CR1L: variants seen among roughly 807,000 people sequenced by gnomAD.
CR1L encodes the protein complement C3b/C4b receptor 1 like.
CR1L carries 59 observed loss-of-function variants against 62.3 expected under a neutral mutation model. That is an observed-to-expected ratio of 0.95 (90% CI 0.77 to 1.18). The LOEUF (loss-of-function observed/expected upper bound fraction) is 1.18. Ranked by LOEUF, CR1L falls within the 50% of genes most tolerant of loss-of-function variation. The pLI, the probability that CR1L is intolerant of heterozygous loss-of-function variation, is 0.00. For synonymous variants in CR1L, 279 were observed against 248.7 expected (o/e 1.12, Z -1.15); for missense variants, 700 against 702.8 (o/e 1.00, Z 0.04).
intron 9 of CR1L, among the ~76,000 whole-genome samples, chr1:207,703,003 G>C (rs973796016): frequency 6.6e-6 from 1 of 152,200 alleles, no homozygotes; most frequent in Non-Finnish European, 1.5e-5. Flanking sequence ...AGAATAACTT[G>C]AACCCGGGAA....
At chr1:207,651,695 C>G (rs1407667699) in intron 1 of CR1L, among the ~76,000 whole-genome samples, 1 of 151,876 alleles carries the variant, frequency 6.6e-6, no homozygotes, top group African/African-American at 2.4e-5. Flanking sequence ...ATAAAAAATT[C>G]TAAAACCACA....
chr1:207,645,365 G>A, intron 1 of CR1L, 35 bp downstream of exon 1: 9 of 1,608,328 alleles, frequency 5.6e-6, no homozygotes, highest in Non-Finnish European at 7.7e-6. Flanking sequence ...CGTCCGCGGC[G>A]AGGCTAGAGC....
intron 11 of CR1L, among the ~76,000 whole-genome samples, chr1:207,719,679 A>G (rs907952363): frequency 6.6e-6 from 1 of 152,080 alleles, no homozygotes; most frequent in Non-Finnish European, 1.5e-5. Context: ...AGATCACAAC[A>G]CTGCACCCCA....
chr1:207,707,909 A>T (rs1664294303), intron 9 of CR1L, among the ~76,000 whole-genome samples: 1 of 152,154 alleles, frequency 6.6e-6, no homozygotes, highest in Non-Finnish European at 1.5e-5. Context: ...GGTCTACAAA[A>T]TGATTGTTTT....
intron 3 of CR1L, among the ~76,000 whole-genome samples, chr1:207,680,677 G>A (rs1482642518): frequency 6.6e-6 from 1 of 152,108 alleles, no homozygotes; most frequent in Non-Finnish European, 1.5e-5. Flanking sequence ...ATTATTCTGA[G>A]CCATGAGAAG....
intron 1 of CR1L, among the ~76,000 whole-genome samples, chr1:207,654,831 C>G (rs148450247): frequency 6.6e-6 from 1 of 152,178 alleles, no homozygotes; most frequent in Non-Finnish European, 1.5e-5. Flanking sequence ...TCCAGGCATT[C>G]CAGCTCTAGG....
At chr1:207,706,013 G>GTATATATATATATATATATATA (rs139294447) in intron 9 of CR1L, among the ~76,000 whole-genome samples, 20 of 133,558 alleles carry the variant, frequency 1.5e-4, no homozygotes, top group Non-Finnish European at 2.1e-4. Flanking sequence ...GTGTGTGTAT[G>GTATATATATATATATATATATA]TATATATATA....
At chr1:207,669,396 TTCAGTTTTCTTCGAG>T in intron 1 of CR1L, 1 of 474,258 alleles carries the variant, frequency 2.1e-6, no homozygotes, top group Non-Finnish European at 3.2e-6. Context: ...TTCCTCTTAT[TTCAGTTTTCTTCGAG>T]ATCAAATCTG....
intron 1 of CR1L, among the ~76,000 whole-genome samples, chr1:207,666,873 A>G (rs551914066): frequency 2.0e-5 from 3 of 152,224 alleles, no homozygotes; most frequent in Non-Finnish European, 2.9e-5. Context: ...GAACCCCTGC[A>G]TGGATATGGA....
chr1:207,709,832 C>CAA (rs11452067), intron 10 of CR1L, among the ~76,000 whole-genome samples: 17,283 of 121,704 alleles, frequency 0.14, 1,944 homozygotes, highest in African/African-American at 0.33. Context: ...GACTCTGTCT[C>CAA]AAAAAAAAAA....
rs145940063 is a variant in CR1L at position 207,700,332 on chromosome 1, C to T, written c.1228+1058C>T. On this transcript the variant is annotated intron_variant, in intron 8 of 11. Transcript: ENST00000508064. Reference sequence around the variant, plus strand: ...TGAGGCAGCATGACAAATGTCTGTTCTACTATCATGCATGAAAGCTCATTG... The same window carrying T: ...TGAGGCAGCATGACAAATGTCTGTTTTACTATCATGCATGAAAGCTCATTG... Among the ~76,000 whole-genome samples the T allele has an allele frequency of 2.0e-3, 305 of 152,284 alleles. 2 individuals are homozygous for T. The highest frequency in any genetic ancestry group is 7.2e-3 in the African/African-American group (301 of 41,548).
At chr1:207,708,770 A>G in intron 10 of CR1L, 1 of 454,628 alleles carries the variant, frequency 2.2e-6, no homozygotes, top group Non-Finnish European at 4.4e-6. Flanking sequence ...GCAAGCTAAT[A>G]AGGAATATAA....
intron 9 of CR1L, among the ~76,000 whole-genome samples, chr1:207,705,218 G>C (rs1664249463): frequency 6.6e-6 from 1 of 152,112 alleles, no homozygotes; most frequent in Non-Finnish European, 1.5e-5. Flanking sequence ...AAGGACACCG[G>C]GCATATTGGA....
In CR1L at chr1:207,697,862, T is replaced by C. The variant is rs1664130623; in HGVS notation, c.1131T>C (p.Val377=). 1.2e-6 allele frequency: 2 copies of C among 1,613,970 alleles called. No individual in the cohort carries two copies. Among genetic ancestry groups the C allele is most frequent in the Non-Finnish European group, 1.7e-6 (2 of 1,179,876 alleles). Residue 377 remains valine, a synonymous_variant, in exon 7 of 12, where the codon GTT becomes GTC. Coordinates refer to ENST00000508064, the MANE Select transcript of CR1L (RefSeq NM_175710.2). The part of the protein sequence containing the change: ...NLQLGAKVDF[V]CDEGFQLKGS... The stretch of plus-strand genomic sequence containing the variant: ...AGCTTGGAGCAAAAGTGGATTTTGT[T>C]TGTGATGAAGGGTGAGTATGAGCTT...
chr1:207,674,217 C>T (rs1297423381), intron 1 of CR1L, among the ~76,000 whole-genome samples: 1 of 152,164 alleles, frequency 6.6e-6, no homozygotes, highest in Non-Finnish European at 1.5e-5. Flanking sequence ...TACAGAAGGA[C>T]ATGAGGGAAC....
At chr1:207,672,571 G>A (rs2102454728) in intron 1 of CR1L, among the ~76,000 whole-genome samples, 1 of 151,982 alleles carries the variant, frequency 6.6e-6, no homozygotes, top group African/African-American at 2.4e-5. Flanking sequence ...AATCCACTTG[G>A]ATATAATTGA....
At chr1:207,659,374 C>CA (rs1663370934) in intron 1 of CR1L, among the ~76,000 whole-genome samples, 1 of 152,258 alleles carries the variant, frequency 6.6e-6, no homozygotes, top group African/African-American at 2.4e-5. Context: ...GCAGGCTTGA[C>CA]ATCCCCATGG....
chr1:207,716,846 T>C (rs1654010218), intron 10 of CR1L, among the ~76,000 whole-genome samples: 1 of 152,166 alleles, frequency 6.6e-6, no homozygotes, highest in South Asian at 2.1e-4. Flanking sequence ...GAAGGAACTG[T>C]TCTAAACAGA....
intron 1 of CR1L, among the ~76,000 whole-genome samples, chr1:207,656,167 G>A (rs1663307459): frequency 6.6e-6 from 1 of 152,184 alleles, no homozygotes; most frequent in African/African-American, 2.4e-5. Context: ...GAACCCGGGA[G>A]GCGGAGCTTG....
Sources: allele counts gnomAD v4.1 joint callset (sites outside exome capture counted in the v4.1 genomes callset), GRCh38; gene constraint gnomAD v4.1.1; transcripts MANE v1.5; gene names NCBI Gene and HGNC (gene_info 2026-07-23, HGNC 2026-07-21).